The following ANKS3 variants were observed in gnomAD, a reference collection of about 807,000 sequenced individuals.
ANKS3 encodes ankyrin repeat and SAM domain-containing protein 3.
In ANKS3, 62 loss-of-function variants were observed where a neutral mutation model predicts 80.7. That is an observed-to-expected ratio of 0.77 (90% confidence interval 0.63 to 0.95). The LOEUF (loss-of-function observed/expected upper bound fraction) is 0.95, where lower values mean the gene tolerates loss of function less well. ANKS3 is among the 40% of genes least tolerant of loss of function. The pLI is 0.00. For synonymous variants in ANKS3, 489 were observed against 355.3 expected (o/e 1.38, Z -4.23); for missense variants, 1,150 against 883.6 (o/e 1.30, Z -3.82).
chr16:4,712,946 T>TC (rs2080574997), intron 7 of ANKS3, among the ~76,000 whole-genome samples: 1 of 152,042 alleles, frequency 6.6e-6, no homozygotes, highest in African/African-American at 2.4e-5. Flanking sequence ...CTGAACAATG[T>TC]AAGAATTCTG....
chr16:4,709,891 G>C (rs2080394593), intron 7 of ANKS3, among the ~76,000 whole-genome samples: 1 of 151,750 alleles, frequency 6.6e-6, no homozygotes, highest in African/African-American at 2.4e-5. Flanking sequence ...GGTGCCTGTA[G>C]TGCCAGCTAC....
At chr16:4,708,980 G>T (rs1404144212) in intron 7 of ANKS3, among the ~76,000 whole-genome samples, 1 of 151,820 alleles carries the variant, frequency 6.6e-6, no homozygotes, top group African/African-American at 2.4e-5. Context: ...AAAATAAGAA[G>T]TGAGGCCGGG....
chr16:4,721,028 A>G (rs911423738), intron 6 of ANKS3, among the ~76,000 whole-genome samples: 11 of 149,288 alleles, frequency 7.4e-5, no homozygotes, highest in African/African-American at 2.4e-4. Context: ...AAGAGAGGCC[A>G]GGCACGGTGG....
intron 5 of ANKS3, chr16:4,725,199 A>G (rs1427146493): frequency 5.6e-6 from 1 of 177,110 alleles, no homozygotes; most frequent in Non-Finnish European, 1.2e-5. Context: ...CCTGGCTTCA[A>G]GTTCAACGTC....
At chr16:4,713,267 A>C (rs959458155) in intron 7 of ANKS3, among the ~76,000 whole-genome samples, 2 of 152,058 alleles carry the variant, frequency 1.3e-5, no homozygotes, top group Admixed American at 6.6e-5. Context: ...AAACTCCCGT[A>C]TCAAAAAAAA....
At chr16:4,731,671 G>C (rs759322065) in intron 1 of ANKS3, 92 bp from the exon 2 acceptor site, 2 of 714,576 alleles carry the variant, frequency 2.8e-6, no homozygotes, top group East Asian at 1.3e-4. Flanking sequence ...GAAAAAAATA[G>C]AAAGCAATTC....
intron 7 of ANKS3, among the ~76,000 whole-genome samples, chr16:4,712,902 T>C (rs2080572687): frequency 6.6e-6 from 1 of 152,138 alleles, no homozygotes; most frequent in African/African-American, 2.4e-5. Context: ...TTAGTACACC[T>C]GTAAAGCCCT....
At chr16:4,714,223 C>G (rs2080653475) in intron 6 of ANKS3, 37 bp from the exon 7 acceptor site, 3 of 1,609,120 alleles carry the variant, frequency 1.9e-6, no homozygotes, top group East Asian at 2.2e-5. Flanking sequence ...GGGGCCTCTC[C>G]TTCAAAGCAC....
At chr16:4,698,367 C>T in intron 14 of ANKS3, 60 bp downstream of exon 14, 1 of 1,434,410 alleles carries the variant, frequency 7.0e-7, no homozygotes, top group Non-Finnish European at 9.1e-7. Flanking sequence ...TGTGTGGGGG[C>T]CCAGGGGCCA....
At chr16:4,723,726 A>T (rs2081219727) in intron 6 of ANKS3, among the ~76,000 whole-genome samples, 1 of 152,098 alleles carries the variant, frequency 6.6e-6, no homozygotes, top group African/African-American at 2.4e-5. Context: ...GGGTTTTTCT[A>T]CTTTTTGGCA....
intron 11 of ANKS3, chr16:4,700,739 A>G: frequency 2.8e-6 from 2 of 707,348 alleles, no homozygotes. Flanking sequence ...TCCAGTATGG[A>G]AAGCAGGGAG....
intron 3 of ANKS3, among the ~76,000 whole-genome samples, chr16:4,728,346 G>A (rs929394959): frequency 3.3e-5 from 5 of 152,130 alleles, no homozygotes; most frequent in Non-Finnish European, 5.9e-5. Context: ...GCCCAGCCGG[G>A]ATTCACATAT....
chr16:4,706,426 G>T (rs762547895), intron 7 of ANKS3, among the ~76,000 whole-genome samples: 1 of 151,812 alleles, frequency 6.6e-6, no homozygotes, highest in Admixed American at 6.6e-5. Context: ...TAGTAGAGAC[G>T]GGGTTTCACC....
chr16:4,701,638 C>T (rs1264646698), intron 9 of ANKS3, 95 bp from the exon 10 acceptor site: 3 of 1,067,504 alleles, frequency 2.8e-6, no homozygotes, highest in East Asian at 2.6e-5. Context: ...CAGGGCACTC[C>T]TTGGGGCCTG....
chr16:4,698,069 G>A lies in ANKS3; in HGVS notation c.1725-7C>T, dbSNP rs1233033007. ...CAGCTCAGCTTGACAGGCTCTGCCA[G>A]ACACAGAAACAAATATTGGTGAGAG... On this transcript the variant is annotated splice_region_variant and splice_polypyrimidine_tract_variant and intron_variant, in intron 14 of 17. Coordinates refer to ENST00000304283, the MANE Select transcript of ANKS3 (RefSeq NM_133450.4). 5.0e-6 allele frequency: 8 copies of A among 1,603,466 alleles called. No homozygotes were observed. The highest frequency in any genetic ancestry group is 2.2e-5 in the East Asian group (1 of 44,580).
At chr16:4,701,568 C>A in intron 9 of ANKS3, 25 bp from the exon 10 acceptor site, 4 of 1,589,050 alleles carry the variant, frequency 2.5e-6, no homozygotes, top group Non-Finnish European at 3.4e-6. Context: ...ACAGGGCGTC[C>A]GCCTGCAGCC....
intron 6 of ANKS3, among the ~76,000 whole-genome samples, chr16:4,716,412 C>T (rs965018796): frequency 9.9e-5 from 15 of 150,840 alleles, no homozygotes; most frequent in African/African-American, 3.4e-4. Flanking sequence ...TTTGCTACCA[C>T]CCATACGGCA....
chr16:4,702,094 G>C lies in ANKS3; in HGVS notation c.1009+8C>G. 1.3e-6 allele frequency: 2 copies of C among 1,579,030 alleles called. No individual in the cohort carries two copies. The highest frequency in any genetic ancestry group is 1.7e-5 in the Admixed American group (1 of 57,350). ...AGCCACGGGCCGGATGGGTGGGGGT[G>C]CACGTACCCCGACTGCTGCTGCTGC... is the stretch of plus-strand genomic sequence containing the variant. On this transcript the variant is annotated splice_region_variant and intron_variant, in intron 9 of 17. Transcript: ENST00000304283.
intron 6 of ANKS3, among the ~76,000 whole-genome samples, chr16:4,724,256 T>C (rs1181954808): frequency 6.6e-6 from 1 of 151,570 alleles, no homozygotes; most frequent in Non-Finnish European, 1.5e-5. Context: ...AAAGATAAGA[T>C]GTCTATAAGA....
Sources: allele counts gnomAD v4.1 joint callset (sites outside exome capture counted in the v4.1 genomes callset), GRCh38; gene constraint gnomAD v4.1.1; transcripts MANE v1.5; gene names NCBI Gene and HGNC (gene_info 2026-07-23, HGNC 2026-07-21).